The following COP1 variants were observed in gnomAD, a reference collection of about 807,000 sequenced individuals.
The protein encoded by COP1 is COP1 E3 ubiquitin ligase.
Under a neutral mutation model 101.3 loss-of-function variants are expected in COP1, and 24 were observed. The ratio of observed to expected loss-of-function variants is 0.24; its 90% CI spans 0.17 to 0.33. The LOEUF is 0.33. Ranked by LOEUF, COP1 falls within the 10% of genes least tolerant of loss-of-function variation. COP1 has a pLI of 1.00. For synonymous variants in COP1, 347 were observed against 341.9 expected, an observed-to-expected ratio of 1.01 and a Z score of -0.17; for missense variants, 663 against 906.2, an observed-to-expected ratio of 0.73 and a Z score of 3.45.
At chr1:176,143,379 G>A (rs79129926) in intron 6 of COP1, among the ~76,000 whole-genome samples, 11,797 of 152,002 alleles carry the variant, frequency 0.078, 1,247 homozygotes, top group African/African-American at 0.25. Context: ...AAAACTTCCC[G>A]CAAACAATCA....
intron 15 of COP1, among the ~76,000 whole-genome samples, chr1:176,005,965 A>G (rs1471651568): frequency 6.6e-6 from 1 of 152,114 alleles, no homozygotes; most frequent in African/African-American, 2.4e-5. Context: ...ATCTCCCATT[A>G]TTAATGTGTG....
At chr1:176,085,173 C>G (rs1282216488) in intron 10 of COP1, among the ~76,000 whole-genome samples, 1 of 152,118 alleles carries the variant, frequency 6.6e-6, no homozygotes, top group Non-Finnish European at 1.5e-5. Context: ...TCAGTTAATT[C>G]ATACTCGAAT....
chr1:175,962,476 C>T (rs1265802749), intron 18 of COP1, among the ~76,000 whole-genome samples: 4 of 152,082 alleles, frequency 2.6e-5, no homozygotes, highest in African/African-American at 9.7e-5. Context: ...TTTGTCTTGT[C>T]GCTTCCCTTT....
At chr1:176,045,572 G>C (rs1414386324) in intron 12 of COP1, among the ~76,000 whole-genome samples, 4 of 121,922 alleles carry the variant, frequency 3.3e-5, no homozygotes, top group Non-Finnish European at 3.3e-5. Context: ...TGGGAAGCTT[G>C]TTTAGAAGGA....
chr1:175,995,608 A>G (rs557786133), intron 15 of COP1, among the ~76,000 whole-genome samples: 13 of 152,336 alleles, frequency 8.5e-5, no homozygotes, highest in East Asian at 1.9e-4. Flanking sequence ...ATCAGAGAAT[A>G]CTACAAACAC....
intron 9 of COP1, among the ~76,000 whole-genome samples, chr1:176,110,978 C>T (rs1484318810): frequency 6.6e-6 from 1 of 152,024 alleles, no homozygotes; most frequent in Admixed American, 6.5e-5. Context: ...ATGGTGAAAC[C>T]CCGTCTCTAC....
intron 18 of COP1, among the ~76,000 whole-genome samples, chr1:175,949,191 A>AAAAAAAAAAAAAAG (rs1558152768): frequency 6.8e-6 from 1 of 146,626 alleles, no homozygotes; most frequent in Admixed American, 6.9e-5. Flanking sequence ...AAAAAAAAAA[A>AAAAAAAAAAAAAAG]ATGAACATGG....
intron 18 of COP1, among the ~76,000 whole-genome samples, chr1:175,966,625 A>G (rs1009824162): frequency 2.0e-5 from 3 of 152,342 alleles, no homozygotes; most frequent in Non-Finnish European, 4.4e-5. Flanking sequence ...TCCTGAATTT[A>G]TTAAAGCAAA....
At chr1:176,004,837 G>T (rs982639795) in intron 15 of COP1, among the ~76,000 whole-genome samples, 4 of 151,378 alleles carry the variant, frequency 2.6e-5, no homozygotes, top group Non-Finnish European at 5.9e-5. Context: ...TCTCTGCCCG[G>T]CTTTGGTGTC....
At chr1:175,962,783 C>CG (rs923608604) in intron 18 of COP1, among the ~76,000 whole-genome samples, 1 of 152,040 alleles carries the variant, frequency 6.6e-6, no homozygotes, top group Non-Finnish European at 1.5e-5. Context: ...CACCTAGAGT[C>CG]ATCTCCTTTA....
At chr1:176,202,782 T>G (rs1406567073) in intron 1 of COP1, among the ~76,000 whole-genome samples, 1 of 152,222 alleles carries the variant, frequency 6.6e-6, no homozygotes, top group South Asian at 2.1e-4. Context: ...GTACTATGCA[T>G]AGTCCATTAG....
At chr1:176,117,801 AG>A (rs1686459600) in intron 8 of COP1, among the ~76,000 whole-genome samples, 1 of 152,156 alleles carries the variant, frequency 6.6e-6, no homozygotes, top group African/African-American at 2.4e-5. Flanking sequence ...AGGCTGAGGC[AG>A]GAGAATCACT....
chr1:176,155,762 TTAGA>T (rs1364107234), intron 5 of COP1, among the ~76,000 whole-genome samples: 1 of 151,884 alleles, frequency 6.6e-6, no homozygotes, highest in Non-Finnish European at 1.5e-5. Flanking sequence ...TTAAAAGCAG[TTAGA>T]GAGAAAAACG....
At chr1:176,071,143 T>C (rs756384735) in intron 11 of COP1, among the ~76,000 whole-genome samples, 3 of 152,156 alleles carry the variant, frequency 2.0e-5, no homozygotes, top group Non-Finnish European at 4.4e-5. Context: ...TGGAGATGAA[T>C]CCCTCATGGC....
At chr1:176,098,020 T>C (rs1028284956) in intron 9 of COP1, among the ~76,000 whole-genome samples, 2 of 152,170 alleles carry the variant, frequency 1.3e-5, no homozygotes, top group South Asian at 2.1e-4. Flanking sequence ...TTAAAGATTA[T>C]TGGTAAAATA....
At chr1:175,961,137 G>A (rs897472435) in intron 18 of COP1, among the ~76,000 whole-genome samples, 17 of 152,314 alleles carry the variant, frequency 1.1e-4, no homozygotes, top group African/African-American at 3.8e-4. Context: ...TTTAGCCTAA[G>A]ATTCTGCCAT....
At chr1:175,986,145 G>A (rs1302139102) in intron 18 of COP1, among the ~76,000 whole-genome samples, 3 of 151,932 alleles carry the variant, frequency 2.0e-5, no homozygotes, top group South Asian at 4.2e-4. Flanking sequence ...TCAGCCTCCC[G>A]AGTAGCTGGG....
chr1:176,154,452 G>A (rs1480460032), intron 5 of COP1, among the ~76,000 whole-genome samples: 3 of 151,118 alleles, frequency 2.0e-5, no homozygotes, highest in African/African-American at 4.8e-5. Context: ...AGAATGCTAT[G>A]CAGCCATAAA....
intron 15 of COP1, among the ~76,000 whole-genome samples, chr1:175,998,063 T>TAAAAAAAAAAAAAA (rs57110017): frequency 4.0e-4 from 27 of 66,818 alleles, no homozygotes; most frequent in African/African-American, 1.5e-3. Flanking sequence ...AGAGTATAAT[T>TAAAAAAAAAAAAAA]AAAAAAAAAA....
Sources: allele counts gnomAD v4.1 joint callset (sites outside exome capture counted in the v4.1 genomes callset), GRCh38; gene constraint gnomAD v4.1.1; transcripts MANE v1.5; gene names NCBI Gene and HGNC (gene_info 2026-07-23, HGNC 2026-07-21).